NPEPPS: variants seen among roughly 807,000 people sequenced by gnomAD.
NPEPPS encodes puromycin-sensitive aminopeptidase.
Under a neutral mutation model 115.5 loss-of-function variants are expected in NPEPPS, and 14 were observed. The ratio of observed to expected loss-of-function variants is 0.12; its 90% CI spans 0.08 to 0.19. NPEPPS has a LOEUF of 0.19. Among genes scored for constraint, NPEPPS ranks in the 10% least tolerant of loss-of-function variants. The pLI is 1.00. For missense variants in NPEPPS, 523 were observed against 1,110.8 expected (o/e 0.47, Z 7.52); for synonymous variants, 285 against 390.6 (o/e 0.73, Z 3.19).
intron 2 of NPEPPS, among the ~76,000 whole-genome samples, chr17:47,561,681 G>A (rs4060775): frequency 0.047 from 7,117 of 152,170 alleles, 225 homozygotes; most frequent in Middle Eastern, 0.16. Flanking sequence ...TCCCCAAGCA[G>A]GCCATAGAAA....
upstream of NPEPPS, among the ~76,000 whole-genome samples, chr17:47,528,288 G>T (rs1907520758): frequency 6.6e-6 from 1 of 151,884 alleles, no homozygotes; most frequent in Non-Finnish European, 1.5e-5. Flanking sequence ...GGTGACAGAG[G>T]AGACTCCAGC....
rs377685344 is a variant in NPEPPS at position 47,579,451 on chromosome 17, T to C, written c.480T>C (p.Tyr160=). Residue 160 remains tyrosine, a synonymous_variant, in exon 4 of 23, where the codon TAT becomes TAC. Coordinates refer to ENST00000322157, the MANE Select transcript of NPEPPS (RefSeq NM_006310.4). ...TGAATGACAAAATGAAAGGTTTCTA[T>C]AGAAGTAAATATACTACCCCTTCTG... ...GELNDKMKGF[Y]RSKYTTPSGE... The C allele has an allele frequency of 4.3e-6, 7 of 1,612,990 alleles. No homozygotes were observed. Among genetic ancestry groups the C allele is most frequent in the South Asian group, 1.1e-5 (1 of 91,016 alleles).
rs180684087 is a variant in NPEPPS at position 47,544,451 on chromosome 17, G to T, written c.256-1458G>T. On this transcript the variant is annotated intron_variant, in intron 1 of 22. Coordinates refer to ENST00000322157, the MANE Select transcript of NPEPPS (RefSeq NM_006310.4). Reference sequence around the variant, plus strand: ...GTGCAGGTTAAAATATATAATTATTGCAATATGTTGTAAGAAATGTTTCCT... The same window carrying T: ...GTGCAGGTTAAAATATATAATTATTTCAATATGTTGTAAGAAATGTTTCCT... Among the ~76,000 whole-genome samples, 1,198 of 151,978 alleles carry T rather than the reference G, an allele frequency of 7.9e-3. 8 individuals are homozygous for T. The highest frequency in any genetic ancestry group is 0.024 in the African/African-American group (1,004 of 41,458).
intron 12 of NPEPPS, among the ~76,000 whole-genome samples, chr17:47,594,591 TTTATGTTATGTTATGTTATGTTATG>T (rs71141919): frequency 1.4e-4 from 19 of 138,200 alleles, no homozygotes; most frequent in Admixed American, 2.9e-4. Flanking sequence ...TGTATTTTAT[TTTATGTTATGTTATGTTATGTTATG>T]TTATGTTATG....
chr17:47,559,318 A>G (rs1024897815), intron 2 of NPEPPS, among the ~76,000 whole-genome samples: 6 of 152,176 alleles, frequency 3.9e-5, no homozygotes, highest in Admixed American at 6.6e-5. Flanking sequence ...TTGGGATTAC[A>G]GGCATGAGAC....
At position 47,591,098 on chromosome 17, in the gene NPEPPS, G is replaced by A. The variant is rs144712246; in HGVS notation, c.1260+217G>A. Among the ~76,000 whole-genome samples the A allele has an allele frequency of 5.9e-3, 898 of 152,268 alleles. 5 individuals carry two copies. The highest frequency in any genetic ancestry group is 0.017 in the African/African-American group (721 of 41,554). On this transcript the variant is annotated intron_variant, in intron 10 of 22. Transcript: ENST00000322157. ...TAAAAAAAAATTGGTCTGGCCAGGC[G>A]CAGTGGCTTATGCCTGTAATCCTAG...
At chr17:47,592,406 T>C in intron 11 of NPEPPS, 79 bp from the exon 12 acceptor site, 2 of 1,438,046 alleles carry the variant, frequency 1.4e-6, no homozygotes, top group Non-Finnish European at 1.9e-6. Context: ...AGTAAATTTG[T>C]TTTTGATTAC....
In NPEPPS at chr17:47,622,149, T is replaced by C. The variant is rs934700641; in HGVS notation, c.*229T>C. 1 of 1,181,306 alleles carries C rather than the reference T, an allele frequency of 8.5e-7. No homozygotes were observed. Among genetic ancestry groups the C allele is most frequent in the African/African-American group, 1.5e-5 (1 of 64,986 alleles). 73.2% of individuals were successfully genotyped at this position (1,181,306 alleles called of 1,614,324 possible). A position where few individuals can be genotyped will look rare whatever the true frequency, so the allele number is the denominator to read the frequency against. ...TAAATAAAAAATAAAAATGTAAATA[T>C]GATAGTAATAAAATAGAGCATAACG... On this transcript the variant is annotated 3_prime_UTR_variant, in exon 23 of 23. Coordinates refer to ENST00000322157, the MANE Select transcript of NPEPPS (RefSeq NM_006310.4).
At chr17:47,525,697 T>C (rs1907403055) in intron 1 of NPEPPS, among the ~76,000 whole-genome samples, 1 of 152,178 alleles carries the variant, frequency 6.6e-6, no homozygotes, top group Admixed American at 6.6e-5. Flanking sequence ...TTGCCTCCAG[T>C]CTTAGGTTCA....
chr17:47,544,616 C>T (rs1909057782), intron 1 of NPEPPS, among the ~76,000 whole-genome samples: 1 of 150,808 alleles, frequency 6.6e-6, no homozygotes, highest in African/African-American at 2.4e-5. Context: ...CCACTGCAAT[C>T]TCTGCCTCCC....
chr17:47,602,637 C>CAAA (rs753076891), intron 15 of NPEPPS, among the ~76,000 whole-genome samples: 4 of 51,952 alleles, frequency 7.7e-5, no homozygotes, highest in Non-Finnish European at 1.2e-4. Flanking sequence ...GACGCCATCT[C>CAAA]AAAAAAAAAA....
At chr17:47,619,450 A>C in intron 21 of NPEPPS, 1 of 506,588 alleles carries the variant, frequency 2.0e-6, no homozygotes, top group South Asian at 2.1e-5. Flanking sequence ...GCTACTTGGG[A>C]GGCTGAGGCA....
At chr17:47,574,938 T>A (rs1911423121) in intron 3 of NPEPPS, among the ~76,000 whole-genome samples, 1 of 152,126 alleles carries the variant, frequency 6.6e-6, no homozygotes, top group African/African-American at 2.4e-5. Flanking sequence ...GTAGATAAAC[T>A]AAGGCAGAAA....
chr17:47,611,520 A>AG (rs1913876915), intron 17 of NPEPPS, among the ~76,000 whole-genome samples: 1 of 151,058 alleles, frequency 6.6e-6, no homozygotes, highest in African/African-American at 2.4e-5. Flanking sequence ...CAGTAGTGTG[A>AG]TCATAGCTCA....
chr17:47,605,205 C>T (rs763872422), intron 16 of NPEPPS, 128 bp from the exon 17 acceptor site: 2 of 575,594 alleles, frequency 3.5e-6, no homozygotes, highest in Non-Finnish European at 6.2e-6. Flanking sequence ...TAACAGTGTT[C>T]TGAGCTTATA....
intron 1 of NPEPPS, among the ~76,000 whole-genome samples, chr17:47,534,309 G>C (rs990033066): frequency 1.3e-5 from 2 of 152,064 alleles, no homozygotes; most frequent in South Asian, 2.1e-4. Context: ...TCGACCTCCT[G>C]ACCTCGTGAT....
At chr17:47,569,228 C>T (rs2143801649) in intron 2 of NPEPPS, among the ~76,000 whole-genome samples, 189 bp from the exon 3 acceptor site, 1 of 152,266 alleles carries the variant, frequency 6.6e-6, no homozygotes, top group South Asian at 2.1e-4. Context: ...TTTTAAGGAG[C>T]ATATTTAATG....
At chr17:47,530,185 C>T (rs1366818722), upstream of NPEPPS, among the ~76,000 whole-genome samples, 4 of 147,280 alleles carry the variant, frequency 2.7e-5, no homozygotes, top group African/African-American at 9.9e-5. Context: ...CCTTGTGATC[C>T]GCCCGCCTCG....
intron 1 of NPEPPS, among the ~76,000 whole-genome samples, chr17:47,541,734 T>C (rs1224603330): frequency 1.3e-5 from 2 of 152,190 alleles, no homozygotes; most frequent in African/African-American, 4.8e-5. Flanking sequence ...TGTTTTTTTG[T>C]TCAACTTTAG....
Sources: gnomAD v4.1 joint callset for allele counts (sites outside exome capture counted in the v4.1 genomes callset) on GRCh38, gnomAD v4.1.1 for gene constraint, MANE v1.5 for transcripts, NCBI Gene and HGNC (gene_info 2026-07-23, HGNC 2026-07-21) for gene names.